MALRD1: variants seen among roughly 807,000 people sequenced by gnomAD.
MALRD1 encodes the protein MAM and LDL-receptor class A domain-containing protein 1.
MALRD1 carries 247 observed loss-of-function variants against 242.1 expected under a neutral mutation model. That is an observed-to-expected ratio of 1.02 (90% CI 0.92 to 1.13). MALRD1 has a LOEUF of 1.13. Ranked by LOEUF, MALRD1 falls within the 50% of genes most tolerant of loss-of-function variation. MALRD1 has a pLI of 0.00. For synonymous variants in MALRD1, 995 were observed against 866.6 expected (o/e 1.15, Z -2.60); for missense variants, 2,989 against 2,533.1 (o/e 1.18, Z -3.86).
At chr10:19,535,206 T>A (rs1035508213) in intron 32 of MALRD1, among the ~76,000 whole-genome samples, 1 of 152,034 alleles carries the variant, frequency 6.6e-6, no homozygotes, top group Non-Finnish European at 1.5e-5. Context: ...TATCTCAATG[T>A]TTACCCTAGT....
Position 19,512,256 on chromosome 10 carries a change from T to C in MALRD1, c.5320+13610T>C, listed in dbSNP as rs888344530. Among the ~76,000 whole-genome samples the C allele has an allele frequency of 2.6e-5, 4 of 152,260 alleles. No individual in the cohort carries two copies. The East Asian group carries it at 7.7e-4, about 29-fold the overall frequency. ...ATACTCTGGCATAATACATTAAAGC[T>C]TGGCAATATTTCATCATTTATAAGA... On this transcript the variant is annotated intron_variant, in intron 31 of 39. Coordinates refer to ENST00000454679, the MANE Select transcript of MALRD1 (RefSeq NM_001142308.3).
At chr10:19,058,848 A>G (rs775574413) in intron 1 of MALRD1, among the ~76,000 whole-genome samples, 1 of 152,178 alleles carries the variant, frequency 6.6e-6, no homozygotes, top group Non-Finnish European at 1.5e-5. Context: ...TGAAAAATAA[A>G]AAAAGTATGT....
chr10:19,567,434 A>C, intron 32 of MALRD1, 68 bp from the exon 33 acceptor site: 2 of 1,301,446 alleles, frequency 1.5e-6, no homozygotes, highest in Non-Finnish European at 2.1e-6. Flanking sequence ...TTCTTTCATC[A>C]ATCATCTGGA....
chr10:19,334,163 T>G (rs565543287), intron 24 of MALRD1, among the ~76,000 whole-genome samples: 14 of 148,826 alleles, frequency 9.4e-5, no homozygotes, highest in Non-Finnish European at 4.5e-5. Flanking sequence ...CTCTTTAGTT[T>G]AATTAGGTCC....
chr10:19,655,600 A>T (rs1316346311), intron 36 of MALRD1, among the ~76,000 whole-genome samples: 1 of 147,438 alleles, frequency 6.8e-6, no homozygotes, highest in Non-Finnish European at 1.5e-5. Context: ...AATTCTAATT[A>T]TACATGAAAT....
At chr10:19,384,440 T>TTATATAG (rs1348778777) in intron 26 of MALRD1, among the ~76,000 whole-genome samples, 1 of 117,466 alleles carries the variant, frequency 8.5e-6, no homozygotes, top group East Asian at 2.1e-4. Flanking sequence ...ATATTATATA[T>TTATATAG]TATATAGTAT....
At chr10:19,398,398 G>A (rs1021930109) in intron 28 of MALRD1, among the ~76,000 whole-genome samples, 2 of 152,096 alleles carry the variant, frequency 1.3e-5, no homozygotes, top group African/African-American at 4.8e-5. Flanking sequence ...AAAAATATAT[G>A]TTAAACAAGA....
intron 4 of MALRD1, among the ~76,000 whole-genome samples, chr10:19,095,388 C>T (rs570619760): frequency 1.1e-4 from 16 of 152,298 alleles, no homozygotes; most frequent in Middle Eastern, 3.4e-3. Flanking sequence ...TATGGCACGA[C>T]TTCAGAGAAA....
chr10:19,123,677 C>A, intron 6 of MALRD1, 84 bp downstream of exon 6: 1 of 748,230 alleles, frequency 1.3e-6, no homozygotes, highest in Non-Finnish European at 1.8e-6. Context: ...GTGCACGCGC[C>A]AACCTTTGTT....
intron 31 of MALRD1, among the ~76,000 whole-genome samples, chr10:19,503,385 T>C (rs1299250887): frequency 6.6e-6 from 1 of 152,244 alleles, no homozygotes; most frequent in Non-Finnish European, 1.5e-5. Context: ...CTTATTGTTA[T>C]CAAGATGAAG....
At chr10:19,586,498 A>G (rs918142288) in intron 33 of MALRD1, among the ~76,000 whole-genome samples, 3 of 152,058 alleles carry the variant, frequency 2.0e-5, no homozygotes, top group African/African-American at 7.2e-5. Flanking sequence ...TGAGGTGTCA[A>G]TCTGCCCTTG....
At chr10:19,201,166 T>C (rs995621809) in intron 14 of MALRD1, among the ~76,000 whole-genome samples, 3 of 152,180 alleles carry the variant, frequency 2.0e-5, no homozygotes, top group African/African-American at 7.2e-5. Flanking sequence ...TGTATACATG[T>C]GTGTTGACAT....
chr10:19,140,011 C>T (rs532541197), intron 10 of MALRD1, among the ~76,000 whole-genome samples: 1 of 152,128 alleles, frequency 6.6e-6, no homozygotes, highest in Non-Finnish European at 1.5e-5. Flanking sequence ...ACTCTGTTTA[C>T]TTTGCTAGTC....
At chr10:19,608,604 A>C (rs983156811) in intron 35 of MALRD1, among the ~76,000 whole-genome samples, 1 of 152,102 alleles carries the variant, frequency 6.6e-6, no homozygotes, top group African/African-American at 2.4e-5. Flanking sequence ...TTAATGATAG[A>C]GATATATTCA....
At chr10:19,332,012 C>T (rs2130923963) in intron 24 of MALRD1, among the ~76,000 whole-genome samples, 1 of 151,988 alleles carries the variant, frequency 6.6e-6, no homozygotes, top group South Asian at 2.1e-4. Flanking sequence ...ACTACAGGCG[C>T]CTGCCACCAC....
intron 18 of MALRD1, among the ~76,000 whole-genome samples, chr10:19,256,817 A>G (rs72796421): frequency 0.088 from 13,332 of 152,182 alleles, 660 homozygotes; most frequent in Middle Eastern, 0.12. Context: ...ACTCCCACAT[A>G]TAACATTTGT....
intron 33 of MALRD1, among the ~76,000 whole-genome samples, chr10:19,589,719 T>C (rs536154769): frequency 1.3e-4 from 20 of 152,342 alleles, no homozygotes; most frequent in African/African-American, 4.8e-4. Context: ...TTTTCTCATC[T>C]CTTTCCCTCC....
intron 21 of MALRD1, chr10:19,290,570 C>T (rs1841369131): frequency 6.6e-6 from 1 of 151,836 alleles, no homozygotes; most frequent in Non-Finnish European, 1.5e-5. Context: ...ATTTCCATTT[C>T]CTTTAAATTA....
At chr10:19,689,506 A>C (rs1244576991) in intron 36 of MALRD1, among the ~76,000 whole-genome samples, 1 of 152,144 alleles carries the variant, frequency 6.6e-6, no homozygotes, top group African/African-American at 2.4e-5. Flanking sequence ...TTTGGATTTG[A>C]GGCAAATGAT....
Sources: gnomAD v4.1 joint callset for allele counts (sites outside exome capture counted in the v4.1 genomes callset) on GRCh38, gnomAD v4.1.1 for gene constraint, MANE v1.5 for transcripts, NCBI Gene and HGNC (gene_info 2026-07-23, HGNC 2026-07-21) for gene names.